The following EIF2AK3 variants were observed in gnomAD, a reference collection of about 807,000 sequenced individuals.
EIF2AK3 encodes eukaryotic translation initiation factor 2-alpha kinase 3.
In EIF2AK3, 50 loss-of-function variants were observed where a neutral mutation model predicts 113.5. That is an observed-to-expected ratio of 0.44 (90% CI 0.35 to 0.56). EIF2AK3 has a LOEUF of 0.56. Ranked by LOEUF, EIF2AK3 falls within the 20% of genes least tolerant of loss-of-function variation. The probability of loss-of-function intolerance (pLI) is 0.00; values close to 1 mark genes in which losing one functional copy is unlikely to be tolerated. For missense variants in EIF2AK3, 1,185 were observed against 1,378.0 expected, an observed-to-expected ratio of 0.86 and a Z score of 2.22; for synonymous variants, 448 against 495.4, an observed-to-expected ratio of 0.90 and a Z score of 1.27.
At chr2:88,627,489 A>C, upstream of EIF2AK3, 2 of 517,250 alleles carry the variant, frequency 3.9e-6, no homozygotes, top group South Asian at 5.2e-5. Context: ...CCATTGAGCA[A>C]ACTTTCCGCG....
At chr2:88,601,834 C>CTTTTTTTTTTTTTTTTT (rs59987968) in intron 2 of EIF2AK3, among the ~76,000 whole-genome samples, 1,074 of 74,934 alleles carry the variant, frequency 0.014, 5 homozygotes, top group East Asian at 0.018. Context: ...TAAGATTTTT[C>CTTTTTTTTTTTTTTTTT]TTTTTTTTTT....
intron 9 of EIF2AK3, 145 bp downstream of exon 9, chr2:88,585,696 C>T (rs766608373): frequency 6.9e-6 from 5 of 721,266 alleles, no homozygotes; most frequent in Non-Finnish European, 1.2e-5. Context: ...ATGTCCATTA[C>T]ATTTAACACA....
chr2:88,606,474 C>A (rs1675282281), intron 2 of EIF2AK3, among the ~76,000 whole-genome samples: 1 of 152,060 alleles, frequency 6.6e-6, no homozygotes, highest in African/African-American at 2.4e-5. Flanking sequence ...AAAAGAAAAG[C>A]AATTAACCCA....
intron 15 of EIF2AK3, 26 bp downstream of exon 15, chr2:88,562,263 T>C (rs1673986440): frequency 1.9e-6 from 3 of 1,588,292 alleles, no homozygotes; most frequent in Non-Finnish European, 2.6e-6. Context: ...TTTGAAACTT[T>C]TTTTTTGAGT....
At chr2:88,622,176 C>T (rs552552007) in intron 1 of EIF2AK3, among the ~76,000 whole-genome samples, 165 of 152,214 alleles carry the variant, frequency 1.1e-3, no homozygotes, top group Non-Finnish European at 1.7e-3. Context: ...TGATTACAGG[C>T]GTGAGCCACC....
At chr2:88,557,975 GT>G (rs1181709118) in intron 16 of EIF2AK3, 39 bp from the exon 17 acceptor site, 26 of 1,588,874 alleles carry the variant, frequency 1.6e-5, no homozygotes, top group Non-Finnish European at 2.2e-5. Context: ...AAACGGCCAG[GT>G]TTGATCACTG....
chr2:88,602,586 C>G (rs145215063), intron 2 of EIF2AK3, among the ~76,000 whole-genome samples: 1 of 152,088 alleles, frequency 6.6e-6, no homozygotes, highest in African/African-American at 2.4e-5. Flanking sequence ...CACCTAAGAA[C>G]CCCAGAGAGC....
Position 88,576,583 on chromosome 2 carries a change from CT to C in EIF2AK3, c.2006del (p.Lys669ArgfsTer7), listed in dbSNP as rs1373228979. The C allele has an allele frequency of 6.2e-7, 1 of 1,614,006 alleles. No homozygotes were observed. The highest frequency in any genetic ancestry group is 8.5e-7 in the Non-Finnish European group (1 of 1,180,004). Reference sequence around the variant, plus strand: ...CATCTTTCAGCCAAATTTCATCCATCTTTTCTTGCCACTTCTCTGGTGGTGC... The same window carrying C: ...CATCTTTCAGCCAAATTTCATCCATCTTTCTTGCCACTTCTCTGGTGGTGC... ...LEAPPEKWQE[K>X]MDEIWLKDES... is the part of the protein sequence containing the mutation. On this transcript the variant is annotated frameshift_variant, in exon 12 of 17. Transcript: ENST00000303236. LOFTEE classifies it high-confidence loss of function.
intron 3 of EIF2AK3, among the ~76,000 whole-genome samples, chr2:88,595,024 C>T (rs1013019855): frequency 6.6e-6 from 1 of 151,278 alleles, no homozygotes; most frequent in Non-Finnish European, 1.5e-5. Flanking sequence ...AAAACCCTGT[C>T]TCTACTAAGA....
chr2:88,605,679 C>A (rs1675253121), intron 2 of EIF2AK3, among the ~76,000 whole-genome samples: 1 of 151,858 alleles, frequency 6.6e-6, no homozygotes, highest in Non-Finnish European at 1.5e-5. Context: ...AAATGATACA[C>A]TTGAATGGAA....
chr2:88,589,498 G>A (rs984822534), intron 6 of EIF2AK3, among the ~76,000 whole-genome samples: 2 of 151,852 alleles, frequency 1.3e-5, no homozygotes, highest in Admixed American at 1.3e-4. Flanking sequence ...TAGATCAGTT[G>A]TACAGATGCA....
chr2:88,609,430 T>G (rs1297037947), intron 2 of EIF2AK3, among the ~76,000 whole-genome samples: 1 of 152,220 alleles, frequency 6.6e-6, no homozygotes, highest in Non-Finnish European at 1.5e-5. Flanking sequence ...ACAATGGTAT[T>G]CTTCACTGTC....
chr2:88,568,290 A>C (rs987939331), intron 14 of EIF2AK3, among the ~76,000 whole-genome samples: 3 of 152,160 alleles, frequency 2.0e-5, no homozygotes, highest in African/African-American at 7.2e-5. Flanking sequence ...AAAGGTCTGC[A>C]AGGCCAAGAC....
chr2:88,607,613 C>G (rs1675324407), intron 2 of EIF2AK3, among the ~76,000 whole-genome samples: 1 of 152,066 alleles, frequency 6.6e-6, no homozygotes, highest in Non-Finnish European at 1.5e-5. Context: ...TGTCAATTTC[C>G]CTTATCTTCC....
At chr2:88,627,723 T>A (rs1675911411), upstream of EIF2AK3, 1 of 157,480 alleles carries the variant, frequency 6.4e-6, no homozygotes, top group African/African-American at 2.4e-5. Context: ...CGGAATACCT[T>A]TCCTACAACA....
chr2:88,567,508 G>A (rs1261585092), intron 14 of EIF2AK3, among the ~76,000 whole-genome samples: 2 of 151,964 alleles, frequency 1.3e-5, no homozygotes, highest in African/African-American at 2.4e-5. Flanking sequence ...TTTAATATAG[G>A]AATGACAAAC....
intron 13 of EIF2AK3, among the ~76,000 whole-genome samples, chr2:88,574,027 A>G (rs1182183423): frequency 6.6e-6 from 1 of 152,246 alleles, no homozygotes; most frequent in Non-Finnish European, 1.5e-5. Flanking sequence ...TTTGCATATT[A>G]TATTACTGCA....
intron 2 of EIF2AK3, among the ~76,000 whole-genome samples, chr2:88,611,312 G>T (rs1044148780): frequency 9.2e-5 from 14 of 152,090 alleles, no homozygotes; most frequent in Admixed American, 2.0e-4. Flanking sequence ...ATCAACCTCA[G>T]AAGGGTTACT....
chr2:88,577,151 T>A (rs1199153628), intron 11 of EIF2AK3, among the ~76,000 whole-genome samples: 3 of 151,886 alleles, frequency 2.0e-5, no homozygotes, highest in Non-Finnish European at 4.4e-5. Flanking sequence ...ACCCAGGTAA[T>A]TTTGTGTTTT....
Sources: gnomAD v4.1 joint callset for allele counts (sites outside exome capture counted in the v4.1 genomes callset) on GRCh38, gnomAD v4.1.1 for gene constraint, MANE v1.5 for transcripts, NCBI Gene and HGNC (gene_info 2026-07-23, HGNC 2026-07-21) for gene names.